Variants in HECW1 observed in about 807,000 individuals in gnomAD.
The protein encoded by HECW1 is HECT, C2 and WW domain containing E3 ubiquitin protein ligase 1, also known as E3 ubiquitin-protein ligase HECW1.
HECW1 carries 61 observed loss-of-function variants against 182.3 expected under a neutral mutation model. The observed-to-expected ratio is 0.33, with a 90% CI of 0.27 to 0.41. The LOEUF (loss-of-function observed/expected upper bound fraction) is 0.41. HECW1 is among the 10% of genes least tolerant of loss of function. The pLI is 1.00. For missense variants in HECW1, 1,739 were observed against 2,108.9 expected, an observed-to-expected ratio of 0.82 and a Z score of 3.44; for synonymous variants, 859 against 832.6, an observed-to-expected ratio of 1.03 and a Z score of -0.55.
At chr7:43,155,824 C>T (rs1341532616) in intron 2 of HECW1, among the ~76,000 whole-genome samples, 1 of 152,218 alleles carries the variant, frequency 6.6e-6, no homozygotes, top group East Asian at 1.9e-4. Context: ...GGTCCTGCCA[C>T]CTTCCCAGGT....
At chr7:43,248,109 AC>A (rs1799623074) in intron 3 of HECW1, among the ~76,000 whole-genome samples, 1 of 151,822 alleles carries the variant, frequency 6.6e-6, no homozygotes, top group African/African-American at 2.4e-5. Flanking sequence ...GAAGAGAAAG[AC>A]AAAGGAGAGG....
intron 12 of HECW1, among the ~76,000 whole-genome samples, chr7:43,452,735 A>G (rs2077274559): frequency 6.6e-6 from 1 of 152,224 alleles, no homozygotes; most frequent in South Asian, 2.1e-4. Flanking sequence ...AAAATAGACC[A>G]GGGTGAGGGA....
intron 12 of HECW1, among the ~76,000 whole-genome samples, chr7:43,455,904 G>A (rs1183273587): frequency 6.6e-6 from 1 of 152,132 alleles, no homozygotes; most frequent in Non-Finnish European, 1.5e-5. Flanking sequence ...GGAAGGCTGA[G>A]TCAGGAGAAT....
intron 2 of HECW1, among the ~76,000 whole-genome samples, chr7:43,151,568 T>A (rs538096372): frequency 6.6e-6 from 1 of 152,130 alleles, no homozygotes; most frequent in South Asian, 2.1e-4. Context: ...GCCAAAAAAG[T>A]AGGCTGCTTT....
At chr7:43,297,515 G>C (rs939898265) in intron 3 of HECW1, among the ~76,000 whole-genome samples, 12 of 152,202 alleles carry the variant, frequency 7.9e-5, no homozygotes, top group Non-Finnish European at 1.6e-4. Context: ...GAGTGGTTCA[G>C]GCACACTCAG....
chr7:43,199,739 T>C (rs1043551454), intron 2 of HECW1, among the ~76,000 whole-genome samples: 87 of 152,334 alleles, frequency 5.7e-4, no homozygotes, highest in African/African-American at 1.8e-3. Flanking sequence ...TAGAATTTTA[T>C]CCAAAATGTA....
At chr7:43,555,874 A>T (rs765910010) in intron 29 of HECW1, among the ~76,000 whole-genome samples, 1 of 151,434 alleles carries the variant, frequency 6.6e-6, no homozygotes, top group African/African-American at 2.4e-5. Flanking sequence ...GCAAGAAAAG[A>T]AGACTAAAAA....
chr7:43,336,018 T>TTCTTTTTCTTTCTTTCTCTCTCCC (rs760645605), intron 5 of HECW1, among the ~76,000 whole-genome samples: 12,810 of 111,082 alleles, frequency 0.12, 714 homozygotes, highest in South Asian at 0.15. Flanking sequence ...CTCTTTCTCT[T>TTCTTTTTCTTTCTTTCTCTCTCCC]TCTTTCTTTT....
intron 5 of HECW1, among the ~76,000 whole-genome samples, 164 bp downstream of exon 5, chr7:43,320,906 T>A (rs919941338): frequency 6.6e-6 from 1 of 152,144 alleles, no homozygotes; most frequent in Non-Finnish European, 1.5e-5. Context: ...TAGTAAGTGG[T>A]GAGGTCTAGG....
chr7:43,496,406 C>A (rs2079124856), intron 19 of HECW1, among the ~76,000 whole-genome samples: 2 of 151,898 alleles, frequency 1.3e-5, no homozygotes, highest in Non-Finnish European at 2.9e-5. Flanking sequence ...AGAAACTGGA[C>A]TATGTGATGA....
At chr7:43,506,664 G>A (rs949198637) in intron 21 of HECW1, among the ~76,000 whole-genome samples, 6 of 152,198 alleles carry the variant, frequency 3.9e-5, no homozygotes, top group African/African-American at 1.4e-4. Flanking sequence ...CCTCATGCCT[G>A]TACTCCCAGC....
rs367947817 is a variant in HECW1 at position 43,444,400 on chromosome 7, A to G, written c.1228A>G (p.Ile410Val). ...CCCCGATGGTCCAGGGAACCAAAGC[A>G]TAGAGCTTTCCAGACCAGCTGAGGA... ...SVPDGPGNQS[I>V]ELSRPAEEAA... The change falls in exon 11 of 30, where the codon ATA (isoleucine) becomes GTA (valine). Residue 410 changes from isoleucine to valine, a missense_variant. Physicochemically the swap from Ile to Val is conservative, Grantham distance 29 (BLOSUM62 3). Coordinates refer to ENST00000395891, the MANE Select transcript of HECW1 (RefSeq NM_015052.5). This position sits in a 1 kb window ranked among gnomAD's most constrained non-coding sequence, Gnocchi z 4.3. 2.5e-6 allele frequency: 4 copies of G among 1,614,060 alleles called. No individual in the cohort carries two copies. Among genetic ancestry groups the G allele is most frequent in the Non-Finnish European group, 3.4e-6 (4 of 1,179,970 alleles).
intron 3 of HECW1, chr7:43,248,695 TTTC>T (rs1562731821): frequency 4.3e-5 from 2 of 46,694 alleles, no homozygotes; most frequent in Non-Finnish European, 5.1e-5. Flanking sequence ...TCCTCCTCCT[TTTC>T]CTCCTCCTCC....
Position 43,438,140 on chromosome 7 carries a change from C to T in HECW1, c.939C>T (p.Ala313=), listed in dbSNP as rs2076767492. ...MPVQRLLERH[A]IGDRVVSYTL... ...TTCAAAGACTCCTGGAGAGACACGC[C>T]ATAGGGTAAACCTGTGACTGAGATC... Residue 313 remains alanine, a synonymous_variant, in exon 9 of 30, where the codon GCC becomes GCT. Transcript: ENST00000395891. The T allele has an allele frequency of 6.2e-7, 1 of 1,613,800 alleles. No homozygotes were observed. Among genetic ancestry groups the T allele is most frequent in the Non-Finnish European group, 8.5e-7 (1 of 1,179,796 alleles).
intron 7 of HECW1, among the ~76,000 whole-genome samples, chr7:43,398,861 G>A (rs10261111): frequency 0.15 from 22,673 of 152,090 alleles, 1,829 homozygotes; most frequent in South Asian, 0.24. Context: ...TGATTGGTTG[G>A]GTTGAAGATG....
intron 2 of HECW1, among the ~76,000 whole-genome samples, chr7:43,135,800 CTATTTGAGTTATA>C (rs1583638267): frequency 1.3e-5 from 2 of 152,248 alleles, no homozygotes; most frequent in East Asian, 3.9e-4. Context: ...CTCTAATCCC[CTATTTGAGTTATA>C]TCTTTTTTCA....
At position 43,445,196 on chromosome 7, in the gene HECW1, C is replaced by T; in HGVS notation, c.2024C>T (p.Ala675Val). The change falls in exon 11 of 30, where the codon GCG (alanine) becomes GTG (valine). Residue 675 changes from alanine to valine, a missense_variant. Physicochemically the swap from Ala to Val is moderately conservative, Grantham distance 64 (BLOSUM62 0). Around this residue, in one of 5 missense-constraint regions of HECW1, gnomAD observed 971 missense variants for 1,029.1 expected, o/e 0.94. Coordinates refer to ENST00000395891, the MANE Select transcript of HECW1 (RefSeq NM_015052.5). Reference sequence around the variant, plus strand: ...GACCACAGTTGCGAGGGCTGTGACGCGTCCTGCTGCAGCCCCTCGTGCTAC... The same window carrying T: ...GACCACAGTTGCGAGGGCTGTGACGTGTCCTGCTGCAGCCCCTCGTGCTAC... Reference protein sequence around the residue: ...GGDHSCEGCDASCCSPSCYSS... With the variant: ...GGDHSCEGCDVSCCSPSCYSS... 1 of 1,612,920 alleles carries T rather than the reference C, an allele frequency of 6.2e-7. No homozygotes were observed.
chr7:43,209,872 C>T (rs1467828503), intron 2 of HECW1, among the ~76,000 whole-genome samples: 1 of 152,128 alleles, frequency 6.6e-6, no homozygotes, highest in East Asian at 1.9e-4. Context: ...CGGGCATTGG[C>T]GTTCACCCCG....
chr7:43,274,293 G>A, intron 3 of HECW1: 1 of 1,038,694 alleles, frequency 9.6e-7, no homozygotes, highest in Non-Finnish European at 1.4e-6. Flanking sequence ...CCCGCTTCTG[G>A]TACTTTGTAT....
Sources: allele counts gnomAD v4.1 joint callset (sites outside exome capture counted in the v4.1 genomes callset), GRCh38; gene constraint gnomAD v4.1.1; regional missense constraint gnomAD v4.1.1; non-coding constraint Gnocchi (gnomAD v3.1); transcripts MANE v1.5; gene names NCBI Gene and HGNC (gene_info 2026-07-23, HGNC 2026-07-21).